GRIK2: variants seen among roughly 807,000 people sequenced by gnomAD.
GRIK2 encodes glutamate ionotropic receptor kainate type subunit 2, also known as glutamate receptor ionotropic, kainate 2.
In GRIK2, 32 loss-of-function variants were observed where a neutral mutation model predicts 100.3. The observed-to-expected ratio is 0.32, with a 90% confidence interval of 0.24 to 0.43. The LOEUF (loss-of-function observed/expected upper bound fraction) is 0.43, where lower values mean the gene tolerates loss of function less well. Ranked by LOEUF, GRIK2 falls within the 20% of genes least tolerant of loss-of-function variation. GRIK2 has a pLI of 1.00. For synonymous variants in GRIK2, 417 were observed against 389.4 expected (o/e 1.07, Z -0.83); for missense variants, 843 against 1,114.9 (o/e 0.76, Z 3.47).
chr6:101,780,287 C>T (rs1193795011), intron 7 of GRIK2, among the ~76,000 whole-genome samples: 2 of 152,138 alleles, frequency 1.3e-5, no homozygotes, highest in South Asian at 2.1e-4. Flanking sequence ...CCCTCCTTTG[C>T]CCATCATAGT....
chr6:101,856,695 G>A (rs1483695588), intron 10 of GRIK2, among the ~76,000 whole-genome samples: 1 of 152,136 alleles, frequency 6.6e-6, no homozygotes, highest in African/African-American at 2.4e-5. Context: ...TGAATTGGGG[G>A]TCTTTATGTG....
chr6:101,868,977 A>G (rs1417492089), intron 11 of GRIK2, among the ~76,000 whole-genome samples: 6 of 151,898 alleles, frequency 4.0e-5, no homozygotes, highest in Admixed American at 2.0e-4. Flanking sequence ...GATATTCTGA[A>G]AATATTTTGG....
intron 11 of GRIK2, among the ~76,000 whole-genome samples, chr6:101,888,302 G>A (rs192313460): frequency 1.3e-5 from 2 of 152,100 alleles, no homozygotes; most frequent in Admixed American, 6.6e-5. Context: ...TTCTAACTTC[G>A]CAAGGTTTCA....
intron 11 of GRIK2, among the ~76,000 whole-genome samples, chr6:101,887,293 T>G (rs1786718675): frequency 6.6e-6 from 1 of 152,154 alleles, no homozygotes; most frequent in African/African-American, 2.4e-5. Context: ...TCCTGTTGTG[T>G]ACGATAAATA....
chr6:101,632,481 A>G (rs1445718992), intron 4 of GRIK2, among the ~76,000 whole-genome samples: 12 of 152,162 alleles, frequency 7.9e-5, no homozygotes, highest in Non-Finnish European at 1.8e-4. Flanking sequence ...TGCCAAAGTC[A>G]AATTTGGTTA....
At chr6:101,904,919 G>A (rs1293283452) in intron 12 of GRIK2, among the ~76,000 whole-genome samples, 6 of 151,326 alleles carry the variant, frequency 4.0e-5, no homozygotes, top group Non-Finnish European at 8.9e-5. Flanking sequence ...CATTTTTTAC[G>A]ATTATAATCT....
chr6:101,869,411 GTGCCTT>G (rs1785246962), intron 11 of GRIK2, among the ~76,000 whole-genome samples: 1 of 151,860 alleles, frequency 6.6e-6, no homozygotes, highest in African/African-American at 2.4e-5. Flanking sequence ...CCAAAATCAT[GTGCCTT>G]CATCCATATA....
At chr6:101,878,790 A>G (rs4501440) in intron 11 of GRIK2, among the ~76,000 whole-genome samples, 12,894 of 151,948 alleles carry the variant, frequency 0.085, 1,274 homozygotes, top group East Asian at 0.52. Context: ...CAAACTGCTC[A>G]TTCCGTAGCT....
intron 2 of GRIK2, among the ~76,000 whole-genome samples, chr6:101,516,050 G>A (rs1774567038): frequency 6.6e-6 from 1 of 151,964 alleles, no homozygotes; most frequent in African/African-American, 2.4e-5. Context: ...ATAGTTTCAA[G>A]TCTTAGGTTT....
chr6:101,449,146 A>G (rs1458130622), intron 2 of GRIK2, among the ~76,000 whole-genome samples: 5 of 151,730 alleles, frequency 3.3e-5, no homozygotes, highest in African/African-American at 1.2e-4. Context: ...CTCTTAAGGA[A>G]TAAAAATGGT....
intron 10 of GRIK2, among the ~76,000 whole-genome samples, chr6:101,847,669 T>G (rs1328876214): frequency 1.3e-5 from 2 of 152,162 alleles, no homozygotes; most frequent in Non-Finnish European, 2.9e-5. Context: ...TTTACAATTC[T>G]GCCCTATTCT....
chr6:101,639,905 A>G (rs1312566399), intron 4 of GRIK2, among the ~76,000 whole-genome samples: 1 of 152,218 alleles, frequency 6.6e-6, no homozygotes, highest in Non-Finnish European at 1.5e-5. Flanking sequence ...GCATGAATGC[A>G]TTAAATGCGT....
At chr6:101,749,479 ATTAT>A (rs1776644732) in intron 7 of GRIK2, among the ~76,000 whole-genome samples, 1 of 152,130 alleles carries the variant, frequency 6.6e-6, no homozygotes, top group Non-Finnish European at 1.5e-5. Flanking sequence ...GTCCACAGCC[ATTAT>A]CCAGTTCCTA....
chr6:101,585,532 G>A (rs1582771123), intron 2 of GRIK2, among the ~76,000 whole-genome samples: 1 of 151,980 alleles, frequency 6.6e-6, no homozygotes, highest in Non-Finnish European at 1.5e-5. Context: ...AAATAAAAAG[G>A]TAGCACAACA....
At chr6:101,920,779 G>A (rs1250354656) in intron 12 of GRIK2, among the ~76,000 whole-genome samples, 1 of 149,974 alleles carries the variant, frequency 6.7e-6, no homozygotes, top group African/African-American at 2.5e-5. Context: ...GCTAAGAAAA[G>A]TGGATCATAA....
chr6:101,973,491 C>G (rs191268422), intron 14 of GRIK2, among the ~76,000 whole-genome samples: 2 of 151,908 alleles, frequency 1.3e-5, no homozygotes, highest in Non-Finnish European at 2.9e-5. Context: ...AAGATTCTCA[C>G]TACCATAACC....
intron 10 of GRIK2, among the ~76,000 whole-genome samples, chr6:101,836,673 T>A (rs1347894187): frequency 4.1e-4 from 51 of 125,552 alleles, no homozygotes; most frequent in Non-Finnish European, 5.8e-4. Flanking sequence ...TTTTTTTTTT[T>A]TTTTTTTTTT....
intron 10 of GRIK2, among the ~76,000 whole-genome samples, chr6:101,858,552 A>AT (rs1784561529): frequency 6.9e-6 from 1 of 143,930 alleles, no homozygotes; most frequent in African/African-American, 2.9e-5. Context: ...ACGCCCAGCT[A>AT]ATTTTTTTTG....
At chr6:101,876,871 C>T (rs896144333) in intron 11 of GRIK2, among the ~76,000 whole-genome samples, 3 of 151,878 alleles carry the variant, frequency 2.0e-5, no homozygotes, top group Non-Finnish European at 4.4e-5. Context: ...ACTAAGTCAA[C>T]AGTATGTTAC....
Sources: gnomAD v4.1 joint callset for allele counts (sites outside exome capture counted in the v4.1 genomes callset) on GRCh38, gnomAD v4.1.1 for gene constraint, MANE v1.5 for transcripts, NCBI Gene and HGNC (gene_info 2026-07-23, HGNC 2026-07-21) for gene names.